DGKD: variants seen among roughly 807,000 people sequenced by gnomAD.
DGKD encodes the protein diacylglycerol kinase delta.
Under a neutral mutation model 154.4 loss-of-function variants are expected in DGKD, and 68 were observed. The observed-to-expected ratio is 0.44, with a 90% CI of 0.36 to 0.54. The LOEUF (loss-of-function observed/expected upper bound fraction) is 0.54. Among genes scored for constraint, DGKD ranks in the 20% least tolerant of loss-of-function variants. The pLI is 0.00. For missense variants in DGKD, 1,343 were observed against 1,593.6 expected (o/e 0.84, Z 2.68); for synonymous variants, 693 against 638.0 (o/e 1.09, Z -1.30).
chr2:233,386,900 A>G (rs750443109), intron 1 of DGKD, among the ~76,000 whole-genome samples: 1 of 152,222 alleles, frequency 6.6e-6, no homozygotes, highest in African/African-American at 2.4e-5. Flanking sequence ...CAGGAAGGGC[A>G]CAGTGAGGAT....
At chr2:233,393,729 G>A (rs556391342) in intron 3 of DGKD, among the ~76,000 whole-genome samples, 4 of 150,924 alleles carry the variant, frequency 2.7e-5, no homozygotes, top group East Asian at 1.9e-4. Flanking sequence ...CGTTGCCCAG[G>A]GGGGAGTGTA....
intron 3 of DGKD, among the ~76,000 whole-genome samples, chr2:233,426,382 G>A (rs1359132159): frequency 6.6e-6 from 1 of 152,148 alleles, no homozygotes; most frequent in Non-Finnish European, 1.5e-5. Context: ...ACATGGAGGA[G>A]TGTACTCATT....
rs879080742 is a variant in DGKD at position 233,469,724 on chromosome 2, T to C, written c.*264T>C. On this transcript the variant is annotated 3_prime_UTR_variant, in exon 30 of 30. Coordinates refer to ENST00000264057, the MANE Select transcript of DGKD (RefSeq NM_152879.3). ...AGCTCAGAGTCACCTGGGGCACATGTGTCACGGCCACTCAGCTCTCGCCCG... is the reference window on the plus strand; with the variant it reads ...AGCTCAGAGTCACCTGGGGCACATGCGTCACGGCCACTCAGCTCTCGCCCG... 17 of 472,582 alleles carry C rather than the reference T, an allele frequency of 3.6e-5. No individual in the cohort carries two copies. The South Asian group carries it at 4.6e-4, about 13-fold the overall frequency. 29.3% of individuals were successfully genotyped at this position (472,582 alleles called of 1,614,324 possible).
At chr2:233,394,440 C>T (rs1703858843) in intron 3 of DGKD, among the ~76,000 whole-genome samples, 2 of 151,820 alleles carry the variant, frequency 1.3e-5, no homozygotes, top group South Asian at 2.1e-4. Context: ...AGCAAGGTCT[C>T]GCTATGTTGC....
chr2:233,438,766 C>T lies in DGKD; in HGVS notation c.1085+387C>T, dbSNP rs1440036924. Among the ~76,000 whole-genome samples, 1,037 of 95,772 alleles carry T rather than the reference C, an allele frequency of 0.011. 14 individuals carry two copies. Among genetic ancestry groups the T allele is most frequent in the African/African-American group, 0.04 (963 of 23,818 alleles). The allele number at this position is 95,772 out of a possible 152,430, so 62.8% of individuals were successfully genotyped here. ...ATCTGTCTATCTATCATCTATCTAT[C>T]TATCTATCTATCTATCTATCTATCT... On this transcript the variant is annotated intron_variant, in intron 9 of 29. Coordinates refer to ENST00000264057, the MANE Select transcript of DGKD (RefSeq NM_152879.3). This position sits in a 1 kb window ranked among gnomAD's most constrained non-coding sequence, Gnocchi z 4.1.
At chr2:233,448,509 AAAGG>A (rs1197579112) in intron 14 of DGKD, 134 bp downstream of exon 14, 2 of 740,326 alleles carry the variant, frequency 2.7e-6, no homozygotes, top group Non-Finnish European at 4.4e-6. Flanking sequence ...AACGCACAGT[AAAGG>A]AAGACAAGAA....
chr2:233,412,156 TTTTG>T (rs2061845193), intron 3 of DGKD, among the ~76,000 whole-genome samples: 1 of 152,232 alleles, frequency 6.6e-6, no homozygotes, highest in African/African-American at 2.4e-5. Flanking sequence ...CCTGCTAGAA[TTTTG>T]TTTGAGATTG....
At chr2:233,390,541 G>A in intron 3 of DGKD, 58 bp downstream of exon 3, 1 of 1,288,956 alleles carries the variant, frequency 7.8e-7, no homozygotes, top group East Asian at 2.3e-5. Flanking sequence ...TTTCCTTTTT[G>A]ATCTGAACAT....
chr2:233,415,096 C>G lies in DGKD; in HGVS notation c.349-19284C>G, dbSNP rs150989714. ...ACATGCTGGACCCACACTTTGGACTCTGTCCCTGCTGGCCTAGTTCTTTGC... is the reference window on the plus strand; with the variant it reads ...ACATGCTGGACCCACACTTTGGACTGTGTCCCTGCTGGCCTAGTTCTTTGC... On this transcript the variant is annotated intron_variant, in intron 3 of 29. Transcript: ENST00000264057. 7.9e-5 allele frequency among the ~76,000 whole-genome samples: 12 copies of G among 152,326 alleles called. No individual in the cohort carries two copies. The East Asian group carries it at 1.7e-3, about 22-fold the overall frequency.
chr2:233,447,785 G>A, intron 12 of DGKD: 1 of 1,151,646 alleles, frequency 8.7e-7, no homozygotes, highest in Non-Finnish European at 1.1e-6. Flanking sequence ...CTGTCAGGAT[G>A]AGTAGGGGTC....
chr2:233,452,933 G>C lies in DGKD; in HGVS notation c.2264+873G>C, dbSNP rs2063337052. ...TGGGAAAGTGGACCCCTAGATTCCAGGTGCTGGCCTGGTACAGCACTTCAG... is the reference window on the plus strand; with the variant it reads ...TGGGAAAGTGGACCCCTAGATTCCACGTGCTGGCCTGGTACAGCACTTCAG... On this transcript the variant is annotated intron_variant, in intron 18 of 29. Transcript: ENST00000264057. This position sits in a 1 kb window ranked among gnomAD's most constrained non-coding sequence, Gnocchi z 4.0. Among the ~76,000 whole-genome samples, 3 of 152,132 alleles carry C rather than the reference G, an allele frequency of 2.0e-5. No homozygotes were observed. Among genetic ancestry groups the C allele is most frequent in the South Asian group, 4.1e-4 (2 of 4,826 alleles).
At chr2:233,447,599 G>C (rs770568553) in intron 12 of DGKD, 11 of 986,528 alleles carry the variant, frequency 1.1e-5, no homozygotes, top group Non-Finnish European at 1.3e-5. Flanking sequence ...TGAAGTTTGC[G>C]ACCCTGGGGC....
chr2:233,358,497 T>G (rs1340882156), intron 1 of DGKD, among the ~76,000 whole-genome samples: 1 of 152,220 alleles, frequency 6.6e-6, no homozygotes, highest in East Asian at 1.9e-4. Context: ...GTTCAGTGGT[T>G]GTTAGTATAT....
chr2:233,384,543 A>T (rs1171074369), intron 1 of DGKD, among the ~76,000 whole-genome samples: 1 of 151,988 alleles, frequency 6.6e-6, no homozygotes. Context: ...GAGTCAGCAC[A>T]TCCAGAATGA....
chr2:233,379,305 G>A (rs1014703161), intron 1 of DGKD, among the ~76,000 whole-genome samples: 1 of 152,142 alleles, frequency 6.6e-6, no homozygotes, highest in African/African-American at 2.4e-5. Context: ...ATTTCCAGGC[G>A]GAGGAAAGAG....
chr2:233,436,711 G>T (rs2062709645), intron 7 of DGKD, among the ~76,000 whole-genome samples: 1 of 152,288 alleles, frequency 6.6e-6, no homozygotes, highest in South Asian at 2.1e-4. Context: ...CGGCACTGTA[G>T]CCGGGTTGTG....
Position 233,459,645 on chromosome 2 carries a change from T to G in DGKD, c.2695-112T>G. ...TCCCAGAGGCAGAGGTGGGGTGTCCTGCAAGGCAGGGACGGGTGTGTGGAG... is the reference window on the plus strand; with the variant it reads ...TCCCAGAGGCAGAGGTGGGGTGTCCGGCAAGGCAGGGACGGGTGTGTGGAG... On this transcript the variant is annotated intron_variant, in intron 22 of 29. Coordinates refer to ENST00000264057, the MANE Select transcript of DGKD (RefSeq NM_152879.3). The surrounding 1 kb of genome is among the most constrained non-coding windows in gnomAD (Gnocchi z 5.7). 7.0e-7 allele frequency: 1 copy of G among 1,433,740 alleles called. No homozygotes were observed. The highest frequency in any genetic ancestry group is 9.4e-7 in the Non-Finnish European group (1 of 1,066,810). 88.8% of individuals were successfully genotyped at this position (1,433,740 alleles called of 1,614,324 possible). A position where few individuals can be genotyped will look rare whatever the true frequency, so the allele number is the denominator to read the frequency against.
chr2:233,439,267 G>A (rs2062811471), intron 9 of DGKD, among the ~76,000 whole-genome samples: 1 of 152,158 alleles, frequency 6.6e-6, no homozygotes, highest in Non-Finnish European at 1.5e-5. Flanking sequence ...GGAGTCAGTG[G>A]GGTCTGTGTA....
At chr2:233,375,716 C>T (rs1702538233) in intron 1 of DGKD, among the ~76,000 whole-genome samples, 1 of 152,082 alleles carries the variant, frequency 6.6e-6, no homozygotes, top group Non-Finnish European at 1.5e-5. Flanking sequence ...CTGCACCCCT[C>T]TTATGACACT....
Sources: allele counts gnomAD v4.1 joint callset (sites outside exome capture counted in the v4.1 genomes callset), GRCh38; gene constraint gnomAD v4.1.1; non-coding constraint Gnocchi (gnomAD v3.1); transcripts MANE v1.5; gene names NCBI Gene and HGNC (gene_info 2026-07-23, HGNC 2026-07-21).